MRPS25: variants seen among roughly 807,000 people sequenced by gnomAD.
The protein encoded by MRPS25 is mitochondrial ribosomal protein S25.
MRPS25 carries 15 observed loss-of-function variants against 17.3 expected under a neutral mutation model. That is an observed-to-expected ratio of 0.87 (90% CI 0.58 to 1.34). MRPS25 has a LOEUF of 1.34. Ranked by LOEUF, MRPS25 falls within the 40% of genes most tolerant of loss-of-function variation. MRPS25 has a pLI of 0.00. For synonymous variants in MRPS25, 94 were observed against 83.3 expected (o/e 1.13, Z -0.70); for missense variants, 225 against 218.6 (o/e 1.03, Z -0.19).
downstream of MRPS25, chr3:15,048,143 T>G (rs1296443546): frequency 1.3e-5 from 2 of 152,662 alleles, no homozygotes; most frequent in African/African-American, 4.8e-5. Flanking sequence ...AAAAACACTT[T>G]ATGAGACCAT....
At chr3:15,061,485 C>T (rs541792662) in intron 1 of MRPS25, among the ~76,000 whole-genome samples, 1 of 152,196 alleles carries the variant, frequency 6.6e-6, no homozygotes, top group Non-Finnish European at 1.5e-5. Context: ...CCAGAGGTGC[C>T]GGGATTGCAG....
intron 1 of MRPS25, among the ~76,000 whole-genome samples, chr3:15,063,624 G>A (rs1279919736): frequency 6.6e-6 from 1 of 152,150 alleles, no homozygotes; most frequent in Non-Finnish European, 1.5e-5. Context: ...TTTACCTAGA[G>A]GACATTAAAA....
intron 1 of MRPS25, among the ~76,000 whole-genome samples, chr3:15,062,582 T>C (rs970487402): frequency 6.6e-6 from 1 of 151,786 alleles, no homozygotes; most frequent in Non-Finnish European, 1.5e-5. Context: ...CAACAGCTCA[T>C]TGAGAACGGG....
intron 1 of MRPS25, 44 bp from the exon 2 acceptor site, chr3:15,059,519 C>A (rs762139081): frequency 2.2e-6 from 3 of 1,383,758 alleles, no homozygotes; most frequent in East Asian, 2.4e-5. Context: ...GAGTTTTTAG[C>A]CTGAAATTTT....
rs930298889 is a variant in MRPS25, at chr3:15,050,896, A to G, written c.*1545T>C. 1.4e-5 allele frequency: 14 copies of G among 985,292 alleles called. No homozygotes were observed. Among genetic ancestry groups the G allele is most frequent in the Non-Finnish European group, 1.7e-5 (14 of 829,944 alleles). 61.0% of individuals were successfully genotyped at this position (985,292 alleles called of 1,614,324 possible). On this transcript the variant is annotated 3_prime_UTR_variant, in exon 4 of 4. Coordinates refer to ENST00000253686, the MANE Select transcript of MRPS25 (RefSeq NM_022497.5). Reference sequence around the variant, plus strand: ...TAATCTCCAACAGTTAATGAAACACATCGTAGTATGACATCATTTCACCAG... The same window carrying G: ...TAATCTCCAACAGTTAATGAAACACGTCGTAGTATGACATCATTTCACCAG...
At chr3:15,044,662 C>T (rs868216358), downstream of MRPS25, 7 of 152,226 alleles carry the variant, frequency 4.6e-5, no homozygotes, top group South Asian at 2.1e-4. Context: ...CAGATGATAT[C>T]CAAAAAGATC....
Position 15,051,766 on chromosome 3 carries a change from T to G in MRPS25, c.*675A>C. Reference sequence around the variant, plus strand: ...CATGGCCTACAAACCTCCCTGCTAATGCACACAGTGGCTGGGCCATGGGTT... The same window carrying G: ...CATGGCCTACAAACCTCCCTGCTAAGGCACACAGTGGCTGGGCCATGGGTT... On this transcript the variant is annotated 3_prime_UTR_variant, in exon 4 of 4. Transcript: ENST00000253686. 1.0e-6 allele frequency: 1 copy of G among 985,484 alleles called. No individual in the cohort carries two copies. The highest frequency in any genetic ancestry group is 1.2e-6 in the Non-Finnish European group (1 of 830,004). The allele number at this position is 985,484 out of a possible 1,614,324, so 61.0% of individuals were successfully genotyped here. A position where few individuals can be genotyped will look rare whatever the true frequency, so the allele number is the denominator to read the frequency against.
chr3:15,051,876 C>G lies in MRPS25; in HGVS notation c.*565G>C, dbSNP rs1302352216. ...GGGCTCCTCCATCTCTGGCCCATGG[C>G]TAGGCCCCCCAGCAGGCAAGGGTAA... On this transcript the variant is annotated 3_prime_UTR_variant, in exon 4 of 4. Transcript: ENST00000253686. The G allele has an allele frequency of 1.0e-6, 1 of 985,270 alleles. No individual in the cohort carries two copies. The highest frequency in any genetic ancestry group is 1.2e-6 in the Non-Finnish European group (1 of 829,960). The allele number at this position is 985,270 out of a possible 1,614,324, so 61.0% of individuals were successfully genotyped here. A position where few individuals can be genotyped will look rare whatever the true frequency, so the allele number is the denominator to read the frequency against.
downstream of MRPS25, chr3:15,043,547 C>T (rs1194214363): frequency 1.3e-5 from 2 of 152,782 alleles, no homozygotes; most frequent in Non-Finnish European, 2.9e-5. Context: ...CACTAGGGTA[C>T]AGGAGACAAT....
rs2042573657 is a variant in MRPS25 at position 15,049,661 on chromosome 3, G to C, written c.*2780C>G. ...TACGTGCTATCAAGGGCAAAAACAAGCTCCAAAAGTTTCAGAAGTTAGAAC... is the reference window on the plus strand; with the variant it reads ...TACGTGCTATCAAGGGCAAAAACAACCTCCAAAAGTTTCAGAAGTTAGAAC... On this transcript the variant is annotated 3_prime_UTR_variant, in exon 4 of 4. Coordinates refer to ENST00000253686, the MANE Select transcript of MRPS25 (RefSeq NM_022497.5). 4 of 536,042 alleles carry C rather than the reference G, an allele frequency of 7.5e-6. No individual in the cohort carries two copies. In the South Asian group the frequency reaches 1.0e-4, roughly 14 times the overall value. 33.2% of individuals were successfully genotyped at this position (536,042 alleles called of 1,614,324 possible).
intron 1 of MRPS25, among the ~76,000 whole-genome samples, chr3:15,062,471 GC>G (rs1186895990): frequency 6.9e-6 from 1 of 144,654 alleles, no homozygotes; most frequent in Non-Finnish European, 1.5e-5. Context: ...TGCCCGGCCA[GC>G]CGCCCCGTCC....
rs2042610839 is a variant in MRPS25, at chr3:15,051,882, C to CATGATT, written c.*558_*559insAATCAT. On this transcript the variant is annotated 3_prime_UTR_variant, in exon 4 of 4. Coordinates refer to ENST00000253686, the MANE Select transcript of MRPS25 (RefSeq NM_022497.5). Reference sequence around the variant, plus strand: ...CTCCATCTCTGGCCCATGGCTAGGCCCCCCAGCAGGCAAGGGTAATCAACT... The same window carrying CATGATT: ...CTCCATCTCTGGCCCATGGCTAGGCCATGATTCCCCAGCAGGCAAGGGTAATCAACT... The CATGATT allele has an allele frequency of 1.0e-6, 1 of 985,430 alleles. No individual in the cohort carries two copies. The highest frequency in any genetic ancestry group is 4.7e-5 in the South Asian group (1 of 21,296). 61.0% of individuals were successfully genotyped at this position (985,430 alleles called of 1,614,324 possible). A position where few individuals can be genotyped will look rare whatever the true frequency, so the allele number is the denominator to read the frequency against.
In MRPS25 at chr3:15,065,066, G is replaced by A; in HGVS notation, c.129C>T (p.Gly43=). 5.7e-6 allele frequency: 9 copies of A among 1,588,002 alleles called. No homozygotes were observed. Among genetic ancestry groups the A allele is most frequent in the Non-Finnish European group, 7.7e-6 (9 of 1,169,880 alleles). ...CGGCCGGGGCTGCGACTGACCTGGC[G>A]CCCTCGCCCAGCTCCCCATGCGTGT... The part of the protein sequence containing the change: ...NYNTHGELGE[G]ARKFVFFNIP... The change falls in exon 1 of 4, where the codon GGC becomes GGT. Residue 43 remains glycine, a synonymous_variant. Transcript: ENST00000253686.
chr3:15,044,245 A>C (rs1241782004), downstream of MRPS25: 1 of 152,146 alleles, frequency 6.6e-6, no homozygotes, highest in African/African-American at 2.4e-5. Flanking sequence ...GAGATTTTAA[A>C]AATGTGTATA....
chr3:15,050,259 G>C lies in MRPS25; in HGVS notation c.*2182C>G. ...CACAGGACTGCTGCTGTCTCCACACGTCCTTTCAGGGTCTGGGCTGTCCAC... is the reference window on the plus strand; with the variant it reads ...CACAGGACTGCTGCTGTCTCCACACCTCCTTTCAGGGTCTGGGCTGTCCAC... On this transcript the variant is annotated 3_prime_UTR_variant, in exon 4 of 4. Coordinates refer to ENST00000253686, the MANE Select transcript of MRPS25 (RefSeq NM_022497.5). 1 of 1,133,482 alleles carries C rather than the reference G, an allele frequency of 8.8e-7. No homozygotes were observed. Among genetic ancestry groups the C allele is most frequent in the Non-Finnish European group, 1.1e-6 (1 of 923,118 alleles). 70.2% of individuals were successfully genotyped at this position (1,133,482 alleles called of 1,614,324 possible). A position where few individuals can be genotyped will look rare whatever the true frequency, so the allele number is the denominator to read the frequency against.
Position 15,050,702 on chromosome 3 carries a change from C to T in MRPS25, c.*1739G>A. 1 of 985,412 alleles carries T rather than the reference C, an allele frequency of 1.0e-6. No individual in the cohort carries two copies. The highest frequency in any genetic ancestry group is 1.2e-6 in the Non-Finnish European group (1 of 829,924). 61.0% of individuals were successfully genotyped at this position (985,412 alleles called of 1,614,324 possible). ...GACAAGATGCTAGATTTCAATTAAA[C>T]ACTCCCTTTGTAAGTCTGTCACTCA... On this transcript the variant is annotated 3_prime_UTR_variant, in exon 4 of 4. Coordinates refer to ENST00000253686, the MANE Select transcript of MRPS25 (RefSeq NM_022497.5).
At chr3:15,043,177 G>A (rs1281314219), downstream of MRPS25, 9 of 492,798 alleles carry the variant, frequency 1.8e-5, no homozygotes, top group Non-Finnish European at 3.0e-5. Context: ...AAGACTAGTA[G>A]GATCCTTTCC....
At chr3:15,058,258 C>T (rs887718700) in intron 2 of MRPS25, among the ~76,000 whole-genome samples, 11 of 151,586 alleles carry the variant, frequency 7.3e-5, no homozygotes, top group South Asian at 2.1e-4. Flanking sequence ...GGCGCGATCT[C>T]GGCTCACTGC....
downstream of MRPS25, chr3:15,047,807 G>A (rs1185224218): frequency 6.6e-6 from 1 of 152,216 alleles, no homozygotes; most frequent in African/African-American, 2.4e-5. Context: ...TTCTCTAACT[G>A]TAAGCATGTA....
Sources: allele counts gnomAD v4.1 joint callset (sites outside exome capture counted in the v4.1 genomes callset), GRCh38; gene constraint gnomAD v4.1.1; transcripts MANE v1.5; gene names NCBI Gene and HGNC (gene_info 2026-07-23, HGNC 2026-07-21).